Variants in ASB4 observed in about 807,000 individuals in gnomAD.
ASB4 encodes the protein ankyrin repeat and SOCS box protein 4.
A neutral mutation model predicts 38.6 loss-of-function variants in ASB4; 35 were observed. The observed-to-expected ratio is 0.91, with a 90% CI of 0.69 to 1.20. ASB4 has a LOEUF of 1.20. ASB4 is among the 50% of genes most tolerant of loss of function. The pLI is 0.00. For synonymous variants in ASB4, 195 were observed against 201.3 expected, an observed-to-expected ratio of 0.97 and a Z score of 0.26; for missense variants, 557 against 527.2, an observed-to-expected ratio of 1.06 and a Z score of -0.55.
downstream of ASB4, chr7:95,544,030 A>G (rs1791003225): frequency 6.6e-6 from 1 of 152,048 alleles, no homozygotes; most frequent in African/African-American, 2.4e-5. Context: ...CTGATCCTTT[A>G]GATCTGAAAA....
chr7:95,527,678 G>C (rs533637898), intron 2 of ASB4, 135 bp from the exon 3 acceptor site: 233 of 876,968 alleles, frequency 2.7e-4, no homozygotes, highest in Non-Finnish European at 3.7e-4. Flanking sequence ...TGGGGGCAAA[G>C]GGGTTGAGGG....
intron 1 of ASB4, 93 bp from the exon 2 acceptor site, chr7:95,495,664 CA>C: frequency 7.6e-7 from 1 of 1,312,566 alleles, no homozygotes; most frequent in African/African-American, 1.5e-5. Context: ...TAAATGTGGC[CA>C]AAATAAAATA....
upstream of ASB4, among the ~76,000 whole-genome samples, chr7:95,482,906 A>C (rs775934162): frequency 4.6e-5 from 7 of 152,166 alleles, no homozygotes; most frequent in Non-Finnish European, 1.0e-4. Flanking sequence ...TGCCTGAGGA[A>C]GTTCGAGGAC....
intron 2 of ASB4, among the ~76,000 whole-genome samples, chr7:95,519,076 G>A (rs938291790): frequency 6.6e-6 from 1 of 152,170 alleles, no homozygotes; most frequent in East Asian, 1.9e-4. Context: ...TTAGATAAAT[G>A]AGAACTGAAA....
intron 2 of ASB4, among the ~76,000 whole-genome samples, chr7:95,504,059 C>T (rs1022728709): frequency 2.0e-5 from 3 of 152,182 alleles, no homozygotes; most frequent in Non-Finnish European, 4.4e-5. Context: ...TGAAAAACCT[C>T]CTCTCCTTGA....
the ASB4 span, chr7:95,472,187 T>C: frequency 6.6e-6 from 1 of 151,670 alleles, no homozygotes; most frequent in African/African-American, 2.4e-5. Context: ...GCTGAAGGAA[T>C]TGGGTTAACA....
chr7:95,541,957 C>T (rs970918115), downstream of ASB4, among the ~76,000 whole-genome samples: 1 of 152,098 alleles, frequency 6.6e-6, no homozygotes, highest in Non-Finnish European at 1.5e-5. Context: ...GTCCCAGCTC[C>T]TCCGGAGGCT....
At position 95,538,767 on chromosome 7, in the gene ASB4, G is replaced by A. The variant is rs779880243; in HGVS notation, c.*1008G>A. 4 of 152,122 alleles carry A rather than the reference G, an allele frequency of 2.6e-5. No homozygotes were observed. Among genetic ancestry groups the A allele is most frequent in the Non-Finnish European group, 5.9e-5 (4 of 68,024 alleles). 9.4% of individuals were successfully genotyped at this position (152,122 alleles called of 1,614,324 possible). A position where few individuals can be genotyped will look rare whatever the true frequency, so the allele number is the denominator to read the frequency against. ...CACACTCAATGGCTCCAGTGCATGT[G>A]ACAAGGAAGCATAGGAAAATGGGGG... On this transcript the variant is annotated 3_prime_UTR_variant, in exon 5 of 5. Coordinates refer to ENST00000325885, the MANE Select transcript of ASB4 (RefSeq NM_016116.3).
upstream of ASB4, chr7:95,473,789 G>A (rs750015924): frequency 1.3e-5 from 2 of 152,158 alleles, no homozygotes; most frequent in Non-Finnish European, 2.9e-5. Flanking sequence ...ACAATGGTCA[G>A]GGACTCCAGG....
At chr7:95,515,193 C>CTTTCTT (rs1790544465) in intron 2 of ASB4, among the ~76,000 whole-genome samples, 1 of 125,634 alleles carries the variant, frequency 8.0e-6, no homozygotes, top group Non-Finnish European at 1.6e-5. Context: ...TTCTTTCTTT[C>CTTTCTT]TTTCTTTCTT....
At chr7:95,533,961 C>T (rs1790853924) in intron 3 of ASB4, among the ~76,000 whole-genome samples, 1 of 152,182 alleles carries the variant, frequency 6.6e-6, no homozygotes, top group South Asian at 2.1e-4. Flanking sequence ...TGTCACTGAA[C>T]TTCATGGCTT....
chr7:95,475,479 G>C (rs181875826), upstream of ASB4, among the ~76,000 whole-genome samples: 1 of 152,072 alleles, frequency 6.6e-6, no homozygotes, highest in Non-Finnish European at 1.5e-5. Flanking sequence ...CACTTCCCAG[G>C]TTCAAGCAAT....
chr7:95,491,763 C>A lies in ASB4; in HGVS notation c.188-3995C>A, dbSNP rs1790174588. 1.3e-5 allele frequency among the ~76,000 whole-genome samples: 2 copies of A among 152,152 alleles called. 1 individual carries two copies. The highest frequency in any genetic ancestry group is 4.1e-4 in the South Asian group (2 of 4,824). On this transcript the variant is annotated intron_variant, in intron 1 of 4. Transcript: ENST00000325885. ...TAGCTTTACCTGGGGTTTGGTCCTC[C>A]ATGACAGTAAGTGTATTTACTTCCA...
chr7:95,495,035 A>G (rs1445885644), intron 1 of ASB4, among the ~76,000 whole-genome samples: 1 of 152,210 alleles, frequency 6.6e-6, no homozygotes, highest in Non-Finnish European at 1.5e-5. Flanking sequence ...ATTCTAGTGT[A>G]TAGGATACAG....
chr7:95,536,504 G>A lies in ASB4; in HGVS notation c.1046G>A (p.Arg349Lys), dbSNP rs764772623. ...EVVVNAYEHI[R>K]WNTKWRRAIP... ...GTAGTCAATGCCTATGAACACATCA[G>A]ATGGAACACAAAGTGGAGAAGAGCT... The change falls in exon 4 of 5, where the codon AGA (arginine) becomes AAA (lysine). Residue 349 changes from arginine (R) to lysine (K), a missense_variant. By Grantham distance (26) the Arg-to-Lys change is conservative. Coordinates refer to ENST00000325885, the MANE Select transcript of ASB4 (RefSeq NM_016116.3). The A allele has an allele frequency of 2.5e-6, 4 of 1,613,386 alleles. No individual in the cohort carries two copies.
At chr7:95,525,490 A>G (rs1356154299) in intron 2 of ASB4, among the ~76,000 whole-genome samples, 1 of 152,166 alleles carries the variant, frequency 6.6e-6, no homozygotes, top group Non-Finnish European at 1.5e-5. Flanking sequence ...ATTCAAGTAT[A>G]AAAATAAGGA....
At chr7:95,548,554 G>T in the ASB4 span, among the ~76,000 whole-genome samples, 1 of 152,184 alleles carries the variant, frequency 6.6e-6, no homozygotes, top group South Asian at 2.1e-4. Flanking sequence ...CTCAGCAATG[G>T]TACCTAACAC....
upstream of ASB4, among the ~76,000 whole-genome samples, chr7:95,481,978 C>T (rs1240432110): frequency 6.6e-6 from 1 of 152,142 alleles, no homozygotes; most frequent in Non-Finnish European, 1.5e-5. Flanking sequence ...AATTTGACCT[C>T]CTGAGGTGAG....
chr7:95,544,489 C>T (rs1791008727), downstream of ASB4: 1 of 152,210 alleles, frequency 6.6e-6, no homozygotes, highest in Admixed American at 6.5e-5. Context: ...AAACTGTTTA[C>T]TCCAACTAGC....
Sources: allele counts gnomAD v4.1 joint callset (sites outside exome capture counted in the v4.1 genomes callset), GRCh38; gene constraint gnomAD v4.1.1; transcripts MANE v1.5; gene names NCBI Gene and HGNC (gene_info 2026-07-23, HGNC 2026-07-21).